Variants in KCNN2 observed in about 807,000 individuals in gnomAD.
The protein encoded by KCNN2 is potassium calcium-activated channel subfamily N member 2.
In KCNN2, 24 loss-of-function variants were observed where a neutral mutation model predicts 55.5. The ratio of observed to expected loss-of-function variants is 0.43; its 90% CI spans 0.31 to 0.61. The LOEUF is 0.61. Ranked by LOEUF, KCNN2 falls within the 20% of genes least tolerant of loss-of-function variation. KCNN2 has a pLI of 0.08. For synonymous variants in KCNN2, 431 were observed against 336.1 expected (o/e 1.28, Z -3.09); for missense variants, 754 against 853.6 (o/e 0.88, Z 1.45).
intron 6 of KCNN2, 89 bp downstream of exon 6, chr5:114,487,266 A>C: frequency 8.5e-7 from 1 of 1,175,902 alleles, no homozygotes; most frequent in Non-Finnish European, 1.2e-6. Flanking sequence ...AAGGAAGGAA[A>C]AAAGAAAACA....
At chr5:114,250,641 G>T (rs1473067450) in intron 2 of KCNN2, among the ~76,000 whole-genome samples, 1 of 152,120 alleles carries the variant, frequency 6.6e-6, no homozygotes, top group African/African-American at 2.4e-5. Context: ...TCGTAATTGG[G>T]TCCTATAAGT....
intron 1 of KCNN2, among the ~76,000 whole-genome samples, chr5:114,114,953 G>GA (rs768936277): frequency 5.3e-5 from 8 of 152,116 alleles, no homozygotes; most frequent in Non-Finnish European, 8.8e-5. Flanking sequence ...CTATGTCATG[G>GA]AATATTTCCT....
At chr5:114,267,298 C>T (rs1206587834) in intron 2 of KCNN2, among the ~76,000 whole-genome samples, 3 of 152,100 alleles carry the variant, frequency 2.0e-5, no homozygotes, top group African/African-American at 7.2e-5. Context: ...CCCGGCCCCA[C>T]CTCTTTCTTA....
intron 1 of KCNN2, among the ~76,000 whole-genome samples, chr5:114,108,745 GACA>G (rs1264198575): frequency 1.3e-5 from 2 of 152,024 alleles, no homozygotes; most frequent in Non-Finnish European, 2.9e-5. Flanking sequence ...GAGTGAATAG[GACA>G]ACATTTGTTT....
intron 2 of KCNN2, among the ~76,000 whole-genome samples, chr5:114,232,450 GTTTGCGT>G (rs1754381669): frequency 6.6e-6 from 1 of 150,806 alleles, no homozygotes; most frequent in Admixed American, 6.6e-5. Flanking sequence ...ATATTTTAAG[GTTTGCGT>G]TTTGCCTTCC....
intron 1 of KCNN2, among the ~76,000 whole-genome samples, chr5:114,363,636 G>C (rs1757516095): frequency 6.6e-6 from 1 of 152,176 alleles, no homozygotes; most frequent in Non-Finnish European, 1.5e-5. Context: ...TGCTAGCCTG[G>C]AACAGCGGCG....
intron 2 of KCNN2, among the ~76,000 whole-genome samples, chr5:114,333,634 C>CA (rs1280607326): frequency 6.6e-6 from 1 of 151,148 alleles, no homozygotes; most frequent in African/African-American, 2.4e-5. Context: ...TTGAATTTAC[C>CA]AAAAATCATT....
intron 2 of KCNN2, among the ~76,000 whole-genome samples, chr5:114,270,352 C>T (rs969748731): frequency 2.0e-5 from 3 of 152,140 alleles, no homozygotes; most frequent in Non-Finnish European, 2.9e-5. Flanking sequence ...CGCTAACATA[C>T]TATAAAAGCT....
chr5:114,275,670 G>A (rs188955717), intron 2 of KCNN2, among the ~76,000 whole-genome samples: 47 of 152,026 alleles, frequency 3.1e-4, no homozygotes, highest in Admixed American at 5.9e-4. Flanking sequence ...TTGTGGGATC[G>A]GTGGTGATAT....
At chr5:114,480,120 T>A in intron 5 of KCNN2, among the ~76,000 whole-genome samples, 1 of 151,138 alleles carries the variant, frequency 6.6e-6, no homozygotes, top group Non-Finnish European at 1.5e-5. Context: ...GATAGACCAC[T>A]AGATAGACAA....
intron 1 of KCNN2, among the ~76,000 whole-genome samples, chr5:114,124,995 G>T (rs529936448): frequency 1.3e-4 from 20 of 152,142 alleles, no homozygotes; most frequent in African/African-American, 4.6e-4. Context: ...TCTGATCATT[G>T]CTGTGTCCTC....
chr5:114,279,349 T>G (rs1407976453), intron 2 of KCNN2, among the ~76,000 whole-genome samples: 1 of 152,102 alleles, frequency 6.6e-6, no homozygotes, highest in Middle Eastern at 3.2e-3. Flanking sequence ...ATGTGCACAG[T>G]GTGCAGGTTT....
intron 2 of KCNN2, among the ~76,000 whole-genome samples, chr5:114,356,197 G>A (rs1757290819): frequency 6.6e-6 from 1 of 152,068 alleles, no homozygotes; most frequent in African/African-American, 2.4e-5. Flanking sequence ...TGTCACCTTG[G>A]GTAGGGTAGG....
intron 1 of KCNN2, among the ~76,000 whole-genome samples, chr5:114,081,124 G>A (rs2632133): frequency 0.14 from 21,119 of 152,024 alleles, 1,554 homozygotes; most frequent in Middle Eastern, 0.17. Context: ...TACAATGAAA[G>A]TTACAAATTA....
chr5:114,319,373 C>T (rs1460789508), intron 2 of KCNN2, among the ~76,000 whole-genome samples: 1 of 152,138 alleles, frequency 6.6e-6, no homozygotes, highest in Non-Finnish European at 1.5e-5. Flanking sequence ...GGTATATCTC[C>T]GTGCAGTTCA....
chr5:114,374,590 ATTGT>A (rs772744418), intron 2 of KCNN2, among the ~76,000 whole-genome samples: 8 of 152,050 alleles, frequency 5.3e-5, no homozygotes, highest in Non-Finnish European at 1.0e-4. Flanking sequence ...GGGTACAGTG[ATTGT>A]TTTGCTTTTT....
At chr5:114,163,228 G>T (rs10075909) in intron 1 of KCNN2, among the ~76,000 whole-genome samples, 124,595 of 152,032 alleles carry the variant, frequency 0.82, 52,037 homozygotes, top group East Asian at 0.94. Flanking sequence ...GGATCATGTC[G>T]TCTGCAAACA....
intron 2 of KCNN2, among the ~76,000 whole-genome samples, chr5:114,381,550 T>G (rs1355413257): frequency 6.6e-6 from 1 of 152,208 alleles, no homozygotes; most frequent in East Asian, 1.9e-4. Flanking sequence ...CAGAGACTCT[T>G]CTCTGGGCCC....
At chr5:114,427,973 T>C (rs1397723596) in intron 3 of KCNN2, among the ~76,000 whole-genome samples, 1 of 152,176 alleles carries the variant, frequency 6.6e-6, no homozygotes, top group African/African-American at 2.4e-5. Flanking sequence ...TAATGGGCAT[T>C]TGCTCCTAGG....
Sources: allele counts gnomAD v4.1 joint callset (sites outside exome capture counted in the v4.1 genomes callset), GRCh38; gene constraint gnomAD v4.1.1; transcripts MANE v1.5; gene names NCBI Gene and HGNC (gene_info 2026-07-23, HGNC 2026-07-21).